Variants in ABHD12B observed in about 807,000 individuals in gnomAD.
ABHD12B encodes the protein abhydrolase domain containing 12B, also known as protein ABHD12B.
In ABHD12B, 42 loss-of-function variants were observed where a neutral mutation model predicts 50.4. The ratio of observed to expected loss-of-function variants is 0.83; its 90% CI spans 0.65 to 1.08. ABHD12B has a LOEUF of 1.08. ABHD12B is among the 50% of genes least tolerant of loss of function. ABHD12B has a pLI of 0.00. For synonymous variants in ABHD12B, 167 were observed against 160.3 expected, an observed-to-expected ratio of 1.04 and a Z score of -0.32; for missense variants, 479 against 447.7, an observed-to-expected ratio of 1.07 and a Z score of -0.63.
chr14:50,902,974 G>A (rs751765333), intron 10 of ABHD12B, among the ~76,000 whole-genome samples: 4 of 152,096 alleles, frequency 2.6e-5, no homozygotes, highest in Non-Finnish European at 5.9e-5. Context: ...CATAGTTTTT[G>A]TTTTATTGAG....
chr14:50,894,859 C>T (rs1306361883), intron 9 of ABHD12B, among the ~76,000 whole-genome samples: 1 of 148,370 alleles, frequency 6.7e-6, no homozygotes, highest in Non-Finnish European at 1.5e-5. Context: ...CCCCTCCTCG[C>T]CAGGCCGAGC....
chr14:50,901,060 G>A (rs1251595638), intron 9 of ABHD12B, among the ~76,000 whole-genome samples: 2 of 152,148 alleles, frequency 1.3e-5, no homozygotes, highest in Non-Finnish European at 2.9e-5. Flanking sequence ...TAGTGGGGAT[G>A]GGGAGAAATG....
chr14:50,875,597 G>A (rs571182230), intron 1 of ABHD12B, among the ~76,000 whole-genome samples: 28 of 152,296 alleles, frequency 1.8e-4, no homozygotes, highest in Admixed American at 1.2e-3. Context: ...GTGGCTGGCC[G>A]TTAGCGGGGA....
Position 50,881,314 on chromosome 14 carries a change from CCTGT to C in ABHD12B, c.456-279_456-276del, listed in dbSNP as rs145423072. ...GCACCTGCCTGTGACTCCCTTCCTC[CCTGT>C]CTTTTTCTGGCAGGTGACTCGCCTT... On this transcript the variant is annotated intron_variant, in intron 4 of 12. Coordinates refer to ENST00000337334, the MANE Select transcript of ABHD12B (RefSeq NM_001206673.2). 4.2e-3 allele frequency among the ~76,000 whole-genome samples: 633 copies of C among 152,284 alleles called. 1 individual carries two copies. Among genetic ancestry groups the C allele is most frequent in the African/African-American group, 0.012 (481 of 41,554 alleles).
intron 9 of ABHD12B, among the ~76,000 whole-genome samples, chr14:50,896,659 C>T (rs905895755): frequency 6.7e-6 from 1 of 150,064 alleles, no homozygotes; most frequent in South Asian, 2.1e-4. Context: ...CTCAGAAGCT[C>T]CCCCACTGAG....
In ABHD12B at chr14:50,892,271, A is replaced by G. The variant is rs1010262644; in HGVS notation, c.780+3368A>G. 2.4e-5 allele frequency: 7 copies of G among 289,552 alleles called. No homozygotes were observed. The South Asian group carries it at 4.0e-4, about 17-fold the overall frequency. The allele number at this position is 289,552 out of a possible 1,614,324, so 17.9% of individuals were successfully genotyped here. A position where few individuals can be genotyped will look rare whatever the true frequency, so the allele number is the denominator to read the frequency against. On this transcript the variant is annotated intron_variant, in intron 9 of 12. Coordinates refer to ENST00000337334, the MANE Select transcript of ABHD12B (RefSeq NM_001206673.2). ...TATTCTCCTAGAAGCAAAGCCTGAG[A>G]CAGAGATTTGGTGTGTTTGATTTAT...
chr14:50,884,650 A>G (rs998585190), intron 5 of ABHD12B, among the ~76,000 whole-genome samples: 1 of 151,952 alleles, frequency 6.6e-6, no homozygotes, highest in Non-Finnish European at 1.5e-5. Flanking sequence ...CCTGCACAGT[A>G]AAATTTTGTC....
Position 50,902,176 on chromosome 14 carries a change from A to G in ABHD12B, c.863+265A>G, listed in dbSNP as rs138512135. Among the ~76,000 whole-genome samples the G allele has an allele frequency of 4.1e-5, 6 of 145,212 alleles. No homozygotes were observed. The East Asian group carries it at 1.3e-3, about 31-fold the overall frequency. On this transcript the variant is annotated intron_variant, in intron 10 of 12. Coordinates refer to ENST00000337334, the MANE Select transcript of ABHD12B (RefSeq NM_001206673.2). ...AATTCATAAACGAAGTTGTATATCT[A>G]TAGCCTATCAAGACCTTTTAAAGGG... is the stretch of plus-strand genomic sequence containing the variant.
chr14:50,891,365 C>T (rs2050115360), intron 9 of ABHD12B: 1 of 152,186 alleles, frequency 6.6e-6, no homozygotes, highest in Non-Finnish European at 1.5e-5. Context: ...GCCTCAGCCT[C>T]CCGAGTAGCT....
At chr14:50,890,233 CTTT>C (rs2050099812) in intron 9 of ABHD12B, among the ~76,000 whole-genome samples, 1 of 152,176 alleles carries the variant, frequency 6.6e-6, no homozygotes, top group South Asian at 2.1e-4. Flanking sequence ...CAAATACAAT[CTTT>C]TTATTTAGTT....
intron 9 of ABHD12B, chr14:50,892,385 A>G: frequency 1.0e-6 from 1 of 984,854 alleles, no homozygotes; most frequent in Non-Finnish European, 1.2e-6. Context: ...ACGTGACCTC[A>G]GGCAAAGTCT....
chr14:50,881,610 G>C lies in ABHD12B; in HGVS notation c.470G>C (p.Arg157Thr), dbSNP rs779827106. 10 of 1,595,732 alleles carry C rather than the reference G, an allele frequency of 6.3e-6. No individual in the cohort carries two copies. In the East Asian group the frequency reaches 2.0e-4, roughly 32 times the overall value. Residue 157 changes from arginine (R) to threonine (T), a missense_variant, in exon 5 of 13, where the codon AGA (arginine) becomes ACA (threonine). Physicochemically the swap from Arg to Thr is moderately conservative, Grantham distance 71 (BLOSUM62 -1). Coordinates refer to ENST00000337334, the MANE Select transcript of ABHD12B (RefSeq NM_001206673.2). The stretch of plus-strand genomic sequence containing the variant: ...TTCCTTCACAGGGCAGCTTCGCACA[G>C]ACTGAAGCTGGTAAAGGTATGTCTG... ...GSAEHRAASH[R>T]LKLVKVLSDG...
intron 9 of ABHD12B, among the ~76,000 whole-genome samples, chr14:50,899,568 C>A (rs1032943346): frequency 2.0e-5 from 3 of 152,164 alleles, no homozygotes; most frequent in African/African-American, 7.2e-5. Flanking sequence ...GGCCATGTCC[C>A]ATTTACTACC....
chr14:50,872,556 A>T (rs1207331334), intron 1 of ABHD12B, among the ~76,000 whole-genome samples: 1 of 152,226 alleles, frequency 6.6e-6, no homozygotes, highest in Non-Finnish European at 1.5e-5. Context: ...TCTGAAATAC[A>T]GATGCCAGGG....
intron 5 of ABHD12B, among the ~76,000 whole-genome samples, chr14:50,884,150 T>C (rs1275274254): frequency 2.6e-5 from 4 of 152,276 alleles, no homozygotes; most frequent in Non-Finnish European, 5.9e-5. Context: ...GCATTTGCTT[T>C]AACTAATATT....
rs116526083 is a variant in ABHD12B at position 50,898,244 on chromosome 14, C to A, written c.781-3585C>A. On this transcript the variant is annotated intron_variant, in intron 9 of 12. Transcript: ENST00000337334. The stretch of plus-strand genomic sequence containing the variant: ...CACTTAGAGATGAGAGAAATGGAGA[C>A]CTATAGGTTTGCCTAATTGTCACAT... Among the ~76,000 whole-genome samples, 575 of 152,248 alleles carry A rather than the reference C, an allele frequency of 3.8e-3. 2 individuals carry two copies. The highest frequency in any genetic ancestry group is 0.013 in the African/African-American group (548 of 41,526).
Position 50,885,827 on chromosome 14 carries a change from CTA to C in ABHD12B, c.596_597del (p.Tyr199Ter), listed in dbSNP as rs772027493. 19 of 1,614,022 alleles carry C rather than the reference CTA, an allele frequency of 1.2e-5. No individual in the cohort carries two copies. In the East Asian group the frequency reaches 2.0e-4, roughly 17 times the overall value. Reference sequence around the variant, plus strand: ...GACTGACTACGGATGCCATTTGTGTCTATGAGTGGACCAAGGCAAGAAGTGGC... The same window carrying C: ...GACTGACTACGGATGCCATTTGTGTCTGAGTGGACCAAGGCAAGAAGTGGC... Reference protein sequence around the residue: ...EGLTTDAICVYEWTKARSGIT... With the variant: ...EGLTTDAICVXEWTKARSGIT... On this transcript the variant is annotated frameshift_variant, in exon 7 of 13. Coordinates refer to ENST00000337334, the MANE Select transcript of ABHD12B (RefSeq NM_001206673.2).
Position 50,878,064 on chromosome 14 carries a change from A to G in ABHD12B, c.217A>G (p.Ile73Val). ...HVFLPLIDML[I>V]YFNFFKAPFL... ...TTTCCTTCCTCTGATAGACATGCTA[A>G]TTTATTTTAATTTTTGTAAGTATGG... The change falls in exon 2 of 13, where the codon ATT becomes GTT. Residue 73 changes from isoleucine (I) to valine (V), a missense_variant. Transcript: ENST00000337334. The G allele has an allele frequency of 1.3e-6, 2 of 1,520,036 alleles. No homozygotes were observed. The highest frequency in any genetic ancestry group is 1.8e-6 in the Non-Finnish European group (2 of 1,142,248). The allele number at this position is 1,520,036 out of a possible 1,614,324, so 94.2% of individuals were successfully genotyped here.
At position 50,904,176 on chromosome 14, in the gene ABHD12B, CTG is replaced by C. The variant is rs2050301134; in HGVS notation, c.1047_1048del (p.Leu350AsnfsTer38). The C allele has an allele frequency of 1.2e-6, 2 of 1,614,138 alleles. No homozygotes were observed. The highest frequency in any genetic ancestry group is 1.1e-5 in the South Asian group (1 of 91,080). On this transcript the variant is annotated frameshift_variant, in exon 12 of 13. Coordinates refer to ENST00000337334, the MANE Select transcript of ABHD12B (RefSeq NM_001206673.2). LOFTEE classifies it high-confidence loss of function. The stretch of plus-strand genomic sequence containing the variant: ...CAACCTGCTTTGTAAAAGCCCCACA[CTG>C]TTAATAACCGTGAGGTAAGAGTTGC... ...QHNLLCKSPT[L>X]LITVRDFLSK... is the part of the protein sequence containing the mutation.
Sources: gnomAD v4.1 joint callset for allele counts (sites outside exome capture counted in the v4.1 genomes callset) on GRCh38, gnomAD v4.1.1 for gene constraint, MANE v1.5 for transcripts, NCBI Gene and HGNC (gene_info 2026-07-23, HGNC 2026-07-21) for gene names.